Variants in PTGR1 observed in about 807,000 individuals in gnomAD.
PTGR1 encodes the protein prostaglandin reductase 1.
PTGR1 carries 23 observed loss-of-function variants against 37.7 expected under a neutral mutation model. That is an observed-to-expected ratio of 0.61 (90% CI 0.44 to 0.86). The LOEUF is 0.86. Ranked by LOEUF, PTGR1 falls within the 40% of genes least tolerant of loss-of-function variation. The pLI is 0.00. For missense variants in PTGR1, 351 were observed against 394.3 expected, an observed-to-expected ratio of 0.89 and a Z score of 0.93; for synonymous variants, 134 against 140.0, an observed-to-expected ratio of 0.96 and a Z score of 0.30.
rs1390182062 is a variant in PTGR1 at position 111,563,083 on chromosome 9, T to A, written c.*38A>T. 1.9e-6 allele frequency: 3 copies of A among 1,602,394 alleles called. No homozygotes were observed. In the African/African-American group the frequency reaches 4.0e-5, roughly 22 times the overall value. On this transcript the variant is annotated 3_prime_UTR_variant, in exon 10 of 10. Coordinates refer to ENST00000407693, the MANE Select transcript of PTGR1 (RefSeq NM_001146108.2). ...AAATGGTGAAAAACAAATTAACTAA[T>A]CATCTAAATGGCCTCCAGATTCCAT...
At chr9:111,572,482 C>T (rs1387050307) in intron 8 of PTGR1, among the ~76,000 whole-genome samples, 1 of 152,072 alleles carries the variant, frequency 6.6e-6, no homozygotes, top group Non-Finnish European at 1.5e-5. Flanking sequence ...CCCAGCTACT[C>T]AGGAGGCTAA....
At chr9:111,576,720 G>C (rs1488516701) in intron 7 of PTGR1, 2 of 266,856 alleles carry the variant, frequency 7.5e-6, no homozygotes, top group Admixed American at 1.0e-4. Context: ...CAGCCTTGGT[G>C]GTGACCTTAT....
intron 6 of PTGR1, 134 bp downstream of exon 6, chr9:111,583,338 A>G (rs1431770787): frequency 1.2e-5 from 9 of 723,916 alleles, no homozygotes; most frequent in Non-Finnish European, 2.1e-5. Flanking sequence ...CATTCCTCCA[A>G]TTTCTCAATC....
chr9:111,554,191 C>A (rs1235969735), intron 9 of PTGR1, among the ~76,000 whole-genome samples: 1 of 152,206 alleles, frequency 6.6e-6, no homozygotes, highest in South Asian at 2.1e-4. Context: ...GAACTAACTA[C>A]TTAGCAAATG....
intron 7 of PTGR1, chr9:111,576,253 A>G: frequency 9.7e-7 from 1 of 1,027,098 alleles, no homozygotes; most frequent in Non-Finnish European, 1.5e-6. Context: ...AGCCATATAG[A>G]GTTGGTCCTC....
At chr9:111,578,326 T>C (rs934673646) in intron 7 of PTGR1, among the ~76,000 whole-genome samples, 3 of 152,148 alleles carry the variant, frequency 2.0e-5, no homozygotes, top group Non-Finnish European at 2.9e-5. Flanking sequence ...TTATTTCTAT[T>C]ATTATTGCAA....
chr9:111,553,264 A>T (rs1360877290), intron 9 of PTGR1, among the ~76,000 whole-genome samples: 2 of 152,220 alleles, frequency 1.3e-5, no homozygotes, highest in Non-Finnish European at 2.9e-5. Flanking sequence ...TTAAATGTGC[A>T]CTATACTGTC....
downstream of PTGR1, among the ~76,000 whole-genome samples, chr9:111,558,704 GCA>G (rs970325932): frequency 2.6e-5 from 4 of 151,936 alleles, no homozygotes; most frequent in South Asian, 2.1e-4. Flanking sequence ...ATATATATGT[GCA>G]CACACACTCA....
chr9:111,587,112 G>A (rs1829456154), intron 4 of PTGR1, among the ~76,000 whole-genome samples: 1 of 152,066 alleles, frequency 6.6e-6, no homozygotes, highest in Non-Finnish European at 1.5e-5. Context: ...ACTGCGCCCA[G>A]CCTACCCTTT....
rs567629780 is a variant in PTGR1 at position 111,552,084 on chromosome 9, CTTG to C, written c.880-2288_880-2286del. Among the ~76,000 whole-genome samples the C allele has an allele frequency of 2.4e-3, 369 of 152,304 alleles. 1 individual carries two copies. Among genetic ancestry groups the C allele is most frequent in the African/African-American group, 8.5e-3 (352 of 41,570 alleles). ...CCCATTTTAGGAGCTTCAAATTTAG[CTTG>C]TTCATATGCAGCGTGATATTAGGGA... On this transcript the variant is annotated intron_variant, in intron 9 of 9. Coordinates refer to the PTGR1 transcript ENST00000538962.
chr9:111,569,782 AAG>A (rs1466605220), intron 9 of PTGR1: 2 of 357,892 alleles, frequency 5.6e-6, no homozygotes, highest in African/African-American at 2.1e-5. Context: ...ATGTGGGTTT[AAG>A]GAAGAATGGA....
intron 8 of PTGR1, among the ~76,000 whole-genome samples, chr9:111,571,426 TAAAC>T (rs1205672304): frequency 6.7e-6 from 1 of 149,418 alleles, no homozygotes; most frequent in Non-Finnish European, 1.5e-5. Flanking sequence ...AAAAAAGAAG[TAAAC>T]AAACAAAAGA....
chr9:111,587,712 A>G (rs995690242), intron 4 of PTGR1, among the ~76,000 whole-genome samples: 1 of 152,136 alleles, frequency 6.6e-6, no homozygotes, highest in African/African-American at 2.4e-5. Context: ...AGCCTCCCAA[A>G]GTGCTGGGAT....
intron 8 of PTGR1, among the ~76,000 whole-genome samples, chr9:111,573,411 C>A (rs527606041): frequency 1.3e-5 from 2 of 152,252 alleles, no homozygotes; most frequent in African/African-American, 2.4e-5. Flanking sequence ...CCTTTCTAGC[C>A]CCCCCATCTC....
At chr9:111,569,786 A>G in intron 9 of PTGR1, 1 of 361,944 alleles carries the variant, frequency 2.8e-6, no homozygotes, top group Non-Finnish European at 5.2e-6. Flanking sequence ...GGGTTTAAGG[A>G]AGAATGGAAA....
intron 8 of PTGR1, 116 bp from the exon 9 acceptor site, chr9:111,570,325 C>T (rs1828755541): frequency 1.4e-6 from 2 of 1,432,316 alleles, no homozygotes; most frequent in East Asian, 5.0e-5. Context: ...GTGCTTCTCC[C>T]CTTCCATTTC....
intron 9 of PTGR1, chr9:111,564,167 T>A: frequency 2.1e-6 from 2 of 957,664 alleles, no homozygotes; most frequent in Non-Finnish European, 2.6e-6. Context: ...CTGATACAAG[T>A]TTTTCGCTAA....
chr9:111,558,009 T>C (rs1426863077), downstream of PTGR1, among the ~76,000 whole-genome samples: 2 of 152,116 alleles, frequency 1.3e-5, no homozygotes, highest in Non-Finnish European at 2.9e-5. Context: ...TAGCCAGGCA[T>C]GGTGGTGCGC....
chr9:111,597,292 C>G (rs201504757), intron 2 of PTGR1, 25 bp downstream of exon 2: 17 of 1,545,288 alleles, frequency 1.1e-5, no homozygotes, highest in African/African-American at 9.5e-5. Flanking sequence ...CCTTCCAACT[C>G]TGAAATATTT....
Sources: gnomAD v4.1 joint callset for allele counts (sites outside exome capture counted in the v4.1 genomes callset) on GRCh38, gnomAD v4.1.1 for gene constraint, MANE v1.5 for transcripts, NCBI Gene and HGNC (gene_info 2026-07-23, HGNC 2026-07-21) for gene names.